The following ANK3 variants were observed in gnomAD, a reference collection of about 807,000 sequenced individuals.
ANK3 encodes the protein ankyrin-3.
Under a neutral mutation model 370.9 loss-of-function variants are expected in ANK3, and 57 were observed. The ratio of observed to expected loss-of-function variants is 0.15; its 90% confidence interval spans 0.12 to 0.19. The LOEUF (loss-of-function observed/expected upper bound fraction) is 0.19, where lower values mean the gene tolerates loss of function less well. Ranked by LOEUF, ANK3 falls within the 10% of genes least tolerant of loss-of-function variation. The pLI, the probability that ANK3 is intolerant of heterozygous loss-of-function variation, is 1.00. For synonymous variants in ANK3, 1,929 were observed against 1,946.3 expected, an observed-to-expected ratio of 0.99 and a Z score of 0.23; for missense variants, 4,439 against 5,302.1, an observed-to-expected ratio of 0.84 and a Z score of 5.06.
At chr10:60,620,225 T>C (rs1349249929) in intron 1 of ANK3, among the ~76,000 whole-genome samples, 1 of 152,132 alleles carries the variant, frequency 6.6e-6, no homozygotes, top group Non-Finnish European at 1.5e-5. Flanking sequence ...AGCTAGTCAA[T>C]GTGTATGATA....
intron 2 of ANK3, among the ~76,000 whole-genome samples, chr10:60,466,476 T>C (rs888647292): frequency 6.6e-6 from 1 of 152,204 alleles, no homozygotes; most frequent in African/African-American, 2.4e-5. Flanking sequence ...ACACTGCTGG[T>C]AGGAATGTGT....
At chr10:60,482,601 C>T (rs2075253133) in intron 2 of ANK3, among the ~76,000 whole-genome samples, 2 of 152,116 alleles carry the variant, frequency 1.3e-5, no homozygotes, top group Non-Finnish European at 2.9e-5. Flanking sequence ...ATCCTCCCAC[C>T]TCATTCTCTC....
At chr10:60,566,139 G>A (rs1011342968) in intron 2 of ANK3, among the ~76,000 whole-genome samples, 3 of 152,110 alleles carry the variant, frequency 2.0e-5, no homozygotes, top group African/African-American at 7.2e-5. Context: ...TATTGTAACT[G>A]TTTTGGGTAG....
chr10:60,263,518 C>T (rs1300884558), intron 6 of ANK3, among the ~76,000 whole-genome samples: 5 of 152,124 alleles, frequency 3.3e-5, no homozygotes, highest in East Asian at 1.9e-4. Flanking sequence ...TAATTTTTCG[C>T]CCTGATGTTT....
chr10:60,196,128 T>G lies in ANK3; in HGVS notation c.1887+17A>C. The G allele has an allele frequency of 1.2e-6, 2 of 1,608,114 alleles. No homozygotes were observed. Among genetic ancestry groups the G allele is most frequent in the East Asian group, 2.2e-5 (1 of 44,826 alleles). ...ACCTTACCCATCAGTCTCCTTAGGC[T>G]GTGGAATTATAGGTACCTTTGCGGC... On this transcript the variant is annotated intron_variant, in intron 16 of 43. Coordinates refer to ENST00000280772, the MANE Select transcript of ANK3 (RefSeq NM_020987.5).
intron 2 of ANK3, among the ~76,000 whole-genome samples, chr10:60,555,564 T>G (rs1025432115): frequency 1.3e-5 from 2 of 152,280 alleles, no homozygotes; most frequent in South Asian, 2.1e-4. Context: ...CATTCGGGTA[T>G]GAAGGCTACA....
chr10:60,328,360 G>C (rs1015687805), intron 1 of ANK3, among the ~76,000 whole-genome samples: 8 of 151,964 alleles, frequency 5.3e-5, no homozygotes, highest in African/African-American at 1.5e-4. Context: ...CATTAAATTT[G>C]GACAAATATT....
chr10:60,415,172 C>T (rs988104178), intron 2 of ANK3, among the ~76,000 whole-genome samples: 5 of 152,162 alleles, frequency 3.3e-5, no homozygotes, highest in African/African-American at 1.2e-4. Flanking sequence ...TTCTTGTGAT[C>T]AGCTGTGGGG....
At chr10:60,269,744 A>C (rs2097939248) in intron 5 of ANK3, among the ~76,000 whole-genome samples, 1 of 151,658 alleles carries the variant, frequency 6.6e-6, no homozygotes, top group Non-Finnish European at 1.5e-5. Context: ...TAATTAGGTA[A>C]ACTTAAATTT....
intron 2 of ANK3, among the ~76,000 whole-genome samples, chr10:60,577,332 C>A (rs532306160): frequency 6.6e-6 from 1 of 152,276 alleles, no homozygotes; most frequent in South Asian, 2.1e-4. Context: ...TTTACAAATA[C>A]TAAAGCCTCA....
chr10:60,596,254 G>A (rs778092658), intron 2 of ANK3, among the ~76,000 whole-genome samples: 1 of 152,086 alleles, frequency 6.6e-6, no homozygotes, highest in Non-Finnish European at 1.5e-5. Flanking sequence ...AAACTGTGCT[G>A]AAGGAAAAAC....
intron 16 of ANK3, among the ~76,000 whole-genome samples, chr10:60,195,513 T>C (rs2132399974): frequency 6.6e-6 from 1 of 152,146 alleles, no homozygotes; most frequent in Non-Finnish European, 1.5e-5. Context: ...TCTCTGATCA[T>C]AGCCACCTGC....
At chr10:60,607,977 C>T (rs1376314392) in intron 2 of ANK3, among the ~76,000 whole-genome samples, 3 of 152,128 alleles carry the variant, frequency 2.0e-5, no homozygotes, top group African/African-American at 7.2e-5. Flanking sequence ...AAATGTCATA[C>T]CTGGAAATCC....
chr10:60,693,499 T>C (rs1480578458), intron 1 of ANK3, among the ~76,000 whole-genome samples: 1 of 152,236 alleles, frequency 6.6e-6, no homozygotes, highest in Non-Finnish European at 1.5e-5. Context: ...TAAATGTCCC[T>C]GTCTGACAGC....
intron 2 of ANK3, among the ~76,000 whole-genome samples, chr10:60,440,616 G>C (rs536397925): frequency 1.3e-5 from 2 of 152,142 alleles, no homozygotes; most frequent in East Asian, 3.9e-4. Flanking sequence ...ATTTGGGTGG[G>C]GACACAAAGC....
At chr10:60,423,147 C>T (rs910990503) in intron 2 of ANK3, among the ~76,000 whole-genome samples, 1 of 151,998 alleles carries the variant, frequency 6.6e-6, no homozygotes, top group African/African-American at 2.4e-5. Context: ...TACGTGAAAA[C>T]CAATCTAGTG....
intron 17 of ANK3, among the ~76,000 whole-genome samples, chr10:60,183,178 C>A (rs1036116966): frequency 5.9e-5 from 9 of 152,174 alleles, no homozygotes; most frequent in Admixed American, 5.9e-4. Flanking sequence ...CAATAAAGGG[C>A]CAAGTTATTA....
intron 43 of ANK3, among the ~76,000 whole-genome samples, chr10:60,032,245 A>G (rs534081409): frequency 1.9e-5 from 2 of 107,084 alleles, no homozygotes; most frequent in Admixed American, 1.4e-4. Context: ...TCTGTCGCCC[A>G]GGCTGGAATG....
intron 1 of ANK3, among the ~76,000 whole-genome samples, chr10:60,377,158 G>A (rs1434948159): frequency 6.6e-6 from 1 of 152,180 alleles, no homozygotes; most frequent in Non-Finnish European, 1.5e-5. Flanking sequence ...ACTGAACAGA[G>A]GGACAGCAGG....
Sources: gnomAD v4.1 joint callset for allele counts (sites outside exome capture counted in the v4.1 genomes callset) on GRCh38, gnomAD v4.1.1 for gene constraint, MANE v1.5 for transcripts, NCBI Gene and HGNC (gene_info 2026-07-23, HGNC 2026-07-21) for gene names.